SGPP2: variants seen among roughly 807,000 people sequenced by gnomAD.
The protein encoded by SGPP2 is sphingosine 1-phosphate phosphohydrolase 2.
A neutral mutation model predicts 33.9 loss-of-function variants in SGPP2; 30 were observed. The ratio of observed to expected loss-of-function variants is 0.89; its 90% confidence interval spans 0.66 to 1.20. The LOEUF (loss-of-function observed/expected upper bound fraction) is 1.20. Ranked by LOEUF, SGPP2 falls within the 50% of genes most tolerant of loss-of-function variation. The pLI, the probability that SGPP2 is intolerant of heterozygous loss-of-function variation, is 0.00. For missense variants in SGPP2, 458 were observed against 532.1 expected (o/e 0.86, Z 1.37); for synonymous variants, 233 against 225.0 (o/e 1.04, Z -0.32).
chr2:222,545,283 C>CTTTTTTTTT (rs544252205), intron 4 of SGPP2, among the ~76,000 whole-genome samples: 1 of 136,000 alleles, frequency 7.4e-6, no homozygotes, highest in African/African-American at 2.7e-5. Flanking sequence ...GAGCTTATGG[C>CTTTTTTTTT]TTTTTTTTTT....
At chr2:222,484,486 A>G (rs193238071) in intron 2 of SGPP2, among the ~76,000 whole-genome samples, 74 of 152,366 alleles carry the variant, frequency 4.9e-4, no homozygotes, top group Non-Finnish European at 8.4e-4. Context: ...AAACTTTTAA[A>G]GATGAAATTC....
chr2:222,427,371 C>G (rs1697086674), intron 1 of SGPP2, among the ~76,000 whole-genome samples: 1 of 152,168 alleles, frequency 6.6e-6, no homozygotes, highest in Non-Finnish European at 1.5e-5. Flanking sequence ...TGCAGTTCTC[C>G]TGCCTCAGCC....
rs192948423 is a variant in SGPP2 at position 222,489,038 on chromosome 2, T to C, written c.378+14312T>C. Among the ~76,000 whole-genome samples, 5 of 152,316 alleles carry C rather than the reference T, an allele frequency of 3.3e-5. No homozygotes were observed. In the East Asian group the frequency reaches 9.6e-4, roughly 29 times the overall value. ...TAGCAAGTTGCGAGCAGCAGTAAGC[T>C]TGCTTCCTTTTAAATTAATATTGGT... On this transcript the variant is annotated intron_variant, in intron 2 of 4. Transcript: ENST00000321276.
At chr2:222,552,481 G>C (rs1689309955) in intron 4 of SGPP2, among the ~76,000 whole-genome samples, 1 of 152,154 alleles carries the variant, frequency 6.6e-6, no homozygotes, top group Admixed American at 6.5e-5. Flanking sequence ...AGGATGAGAG[G>C]GGGGCGAGAG....
intron 2 of SGPP2, among the ~76,000 whole-genome samples, chr2:222,505,934 C>CAA (rs35318533): frequency 1.7e-4 from 16 of 95,050 alleles, no homozygotes; most frequent in African/African-American, 3.4e-4. Context: ...AACTCTGTCT[C>CAA]AAAAAAAAAA....
Position 222,517,171 on chromosome 2 carries a change from G to A in SGPP2, c.379-4596G>A, listed in dbSNP as rs190609655. 5.3e-5 allele frequency among the ~76,000 whole-genome samples: 8 copies of A among 152,244 alleles called. No homozygotes were observed. The East Asian group carries it at 9.7e-4, about 18-fold the overall frequency. Reference sequence around the variant, plus strand: ...GAAGACAGGGAAATACTGGGTAGAAGAGGGTGGTCCCCTGGCAAAGGCCCC... The same window carrying A: ...GAAGACAGGGAAATACTGGGTAGAAAAGGGTGGTCCCCTGGCAAAGGCCCC... On this transcript the variant is annotated intron_variant, in intron 2 of 4. Transcript: ENST00000321276.
Position 222,476,224 on chromosome 2 carries a change from A to G in SGPP2, c.378+1498A>G, listed in dbSNP as rs940994747. On this transcript the variant is annotated intron_variant, in intron 2 of 4. Transcript: ENST00000321276. The surrounding 1 kb of genome is among the most constrained non-coding windows in gnomAD (Gnocchi z 4.3). ...ATGTTTTCTCATTTGTAGAACAAGT[A>G]GAATGGACTTGATCAGGGGTCATAA... Among the ~76,000 whole-genome samples, 4 of 152,202 alleles carry G rather than the reference A, an allele frequency of 2.6e-5. No homozygotes were observed. Among genetic ancestry groups the G allele is most frequent in the African/African-American group, 9.7e-5 (4 of 41,432 alleles).
In SGPP2 at chr2:222,553,424, T is replaced by C. The variant is rs145943113; in HGVS notation, c.649-4923T>C. On this transcript the variant is annotated intron_variant, in intron 4 of 4. Coordinates refer to ENST00000321276, the MANE Select transcript of SGPP2 (RefSeq NM_152386.4). ...GGAAAGTGAGAGAAAACCTGGAAGA[T>C]AGGTTAATGAAACCCATGTCATAGA... Among the ~76,000 whole-genome samples the C allele has an allele frequency of 7.6e-3, 1,150 of 152,290 alleles. 14 individuals are homozygous for C. Among genetic ancestry groups the C allele is most frequent in the African/African-American group, 0.027 (1,112 of 41,562 alleles).
intron 1 of SGPP2, among the ~76,000 whole-genome samples, chr2:222,442,788 A>G (rs944439828): frequency 2.6e-5 from 4 of 152,228 alleles, no homozygotes; most frequent in African/African-American, 9.6e-5. Context: ...CTCTAATATA[A>G]TGGTGTAACA....
chr2:222,433,307 A>G (rs1347497589), intron 1 of SGPP2, among the ~76,000 whole-genome samples: 1 of 152,140 alleles, frequency 6.6e-6, no homozygotes, highest in Non-Finnish European at 1.5e-5. Context: ...TTGAGGAATT[A>G]TATTATAAAC....
At position 222,465,305 on chromosome 2, in the gene SGPP2, C is replaced by A. The variant is rs367865932; in HGVS notation, c.220-9263C>A. On this transcript the variant is annotated intron_variant, in intron 1 of 4. Transcript: ENST00000321276. This position sits in a 1 kb window ranked among gnomAD's most constrained non-coding sequence, Gnocchi z 4.1. ...CTGGACTTGAAGATGAAAGAAGAAG[C>A]CCTCGTGCATTTTTGTTCCTTCTGT... 2.6e-4 allele frequency among the ~76,000 whole-genome samples: 39 copies of A among 152,306 alleles called. 2 individuals carry two copies. Among genetic ancestry groups the A allele is most frequent in the Admixed American group, 1.4e-3 (21 of 15,300 alleles).
chr2:222,449,089 C>T lies in SGPP2; in HGVS notation c.219+24268C>T, dbSNP rs1331864738. Among the ~76,000 whole-genome samples, 10 of 152,130 alleles carry T rather than the reference C, an allele frequency of 6.6e-5. 1 individual carries two copies. Among genetic ancestry groups the T allele is most frequent in the African/African-American group, 1.9e-4 (8 of 41,414 alleles). Reference sequence around the variant, plus strand: ...GTAGAATTTCCGTCTGTGGAGATTCCGAAAACATGTTCTTGTTTGCGAGAT... The same window carrying T: ...GTAGAATTTCCGTCTGTGGAGATTCTGAAAACATGTTCTTGTTTGCGAGAT... On this transcript the variant is annotated intron_variant, in intron 1 of 4. Transcript: ENST00000321276.
intron 2 of SGPP2, among the ~76,000 whole-genome samples, chr2:222,502,960 A>G (rs1698389828): frequency 6.6e-6 from 1 of 152,212 alleles, no homozygotes; most frequent in Non-Finnish European, 1.5e-5. Flanking sequence ...TAAGAACTTG[A>G]AGTATTCTAG....
chr2:222,474,423 G>A, intron 1 of SGPP2, 145 bp from the exon 2 acceptor site: 1 of 640,952 alleles, frequency 1.6e-6, no homozygotes, highest in Non-Finnish European at 2.6e-6. Flanking sequence ...GTTGAAAAGT[G>A]TTCAGCCACA....
chr2:222,425,229 C>G (rs781606345), intron 1 of SGPP2, among the ~76,000 whole-genome samples: 1 of 152,108 alleles, frequency 6.6e-6, no homozygotes, highest in East Asian at 1.9e-4. Flanking sequence ...CCGCCCATCC[C>G]CCTTCCCTGA....
chr2:222,438,300 C>T (rs4299328), intron 1 of SGPP2, among the ~76,000 whole-genome samples: 112,369 of 152,134 alleles, frequency 0.74, 41,742 homozygotes, highest in Middle Eastern at 0.86. Context: ...TCCTCTGGCA[C>T]GCAAATGTCT....
chr2:222,485,077 C>A (rs1177937269), intron 2 of SGPP2, among the ~76,000 whole-genome samples: 1 of 152,176 alleles, frequency 6.6e-6, no homozygotes, highest in African/African-American at 2.4e-5. Context: ...AAGTGGCTTG[C>A]TCAAAGGGAC....
chr2:222,542,770 G>A (rs1450401981), intron 4 of SGPP2, among the ~76,000 whole-genome samples: 1 of 150,518 alleles, frequency 6.6e-6, no homozygotes, highest in Non-Finnish European at 1.5e-5. Flanking sequence ...ATTTATTGGT[G>A]AGTTGTTGAT....
intron 4 of SGPP2, among the ~76,000 whole-genome samples, chr2:222,527,012 A>G (rs1343634587): frequency 6.6e-6 from 1 of 152,168 alleles, no homozygotes; most frequent in African/African-American, 2.4e-5. Context: ...GATCTCGAGA[A>G]CTCGGGTTAA....
Sources: gnomAD v4.1 joint callset for allele counts (sites outside exome capture counted in the v4.1 genomes callset) on GRCh38, gnomAD v4.1.1 for gene constraint, Gnocchi (gnomAD v3.1) non-coding constraint, MANE v1.5 for transcripts, NCBI Gene and HGNC (gene_info 2026-07-23, HGNC 2026-07-21) for gene names.